MINDY4B: variants seen among roughly 807,000 people sequenced by gnomAD.
MINDY4B encodes MINDY family member 4B.
Under a neutral mutation model 16.7 loss-of-function variants are expected in MINDY4B, and 25 were observed. The observed-to-expected ratio is 1.49, with a 90% confidence interval of 1.09 to 2.09. The LOEUF (loss-of-function observed/expected upper bound fraction) is 2.09. Among genes scored for constraint, MINDY4B ranks in the 30% most tolerant of loss-of-function variants. MINDY4B has a pLI of 0.00. For synonymous variants in MINDY4B, 132 were observed against 61.9 expected, an observed-to-expected ratio of 2.13 and a Z score of -5.32; for missense variants, 327 against 168.4, an observed-to-expected ratio of 1.94 and a Z score of -5.21.
rs186056167 is a variant in MINDY4B, at chr3:150,904,099, T to G, written c.142-683A>C. ...TTTCTGTATTCCTAGAGGCAAAGAT[T>G]CTTTCTTATCTCAGAAGCACAGCAT... On this transcript the variant is annotated intron_variant, in intron 2 of 11. Coordinates refer to ENST00000465419, the MANE Select transcript of MINDY4B (RefSeq NM_001351281.2). Among the ~76,000 whole-genome samples, 4 of 152,334 alleles carry G rather than the reference T, an allele frequency of 2.6e-5. No homozygotes were observed. In the East Asian group the frequency reaches 7.7e-4, roughly 29 times the overall value.
At chr3:150,888,794 C>G (rs1411971096) in intron 7 of MINDY4B, among the ~76,000 whole-genome samples, 2 of 152,044 alleles carry the variant, frequency 1.3e-5, no homozygotes, top group Non-Finnish European at 2.9e-5. Flanking sequence ...ACTGGGGAAG[C>G]CTGTGTATAG....
intron 10 of MINDY4B, among the ~76,000 whole-genome samples, chr3:150,880,817 A>G (rs1276804272): frequency 6.6e-6 from 1 of 152,208 alleles, no homozygotes; most frequent in Non-Finnish European, 1.5e-5. Flanking sequence ...GTCTTGGCAT[A>G]TTACTGGGTT....
chr3:150,902,912 T>G (rs1040169987), intron 3 of MINDY4B, among the ~76,000 whole-genome samples: 3 of 152,236 alleles, frequency 2.0e-5, no homozygotes, highest in African/African-American at 7.2e-5. Flanking sequence ...CTTACGCATT[T>G]GCAGCGCTCC....
At chr3:150,879,724 G>C (rs1011745120) in intron 10 of MINDY4B, among the ~76,000 whole-genome samples, 4 of 152,184 alleles carry the variant, frequency 2.6e-5, no homozygotes, top group Non-Finnish European at 5.9e-5. Context: ...GGTCCTGTTT[G>C]ACTACACATG....
intron 10 of MINDY4B, among the ~76,000 whole-genome samples, chr3:150,873,977 T>A (rs1717029594): frequency 6.6e-6 from 1 of 150,758 alleles, no homozygotes; most frequent in Non-Finnish European, 1.5e-5. Context: ...GGTTTTTTTC[T>A]AAGTACTTGT....
intron 3 of MINDY4B, among the ~76,000 whole-genome samples, chr3:150,897,229 G>A (rs1711995583): frequency 6.6e-6 from 1 of 151,970 alleles, no homozygotes; most frequent in Non-Finnish European, 1.5e-5. Context: ...GTAACAGAGG[G>A]GAGACTAGAC....
chr3:150,896,895 T>C (rs1711986268), intron 3 of MINDY4B, among the ~76,000 whole-genome samples: 1 of 152,210 alleles, frequency 6.6e-6, no homozygotes, highest in Non-Finnish European at 1.5e-5. Flanking sequence ...TCAATGGAAA[T>C]CAAAATCATT....
intron 3 of MINDY4B, among the ~76,000 whole-genome samples, chr3:150,902,859 T>G (rs959320871): frequency 1.3e-5 from 2 of 152,218 alleles, no homozygotes; most frequent in African/African-American, 4.8e-5. Flanking sequence ...CTCTCCCTCC[T>G]GCATGCATAC....
intron 10 of MINDY4B, among the ~76,000 whole-genome samples, chr3:150,879,984 A>G (rs1015760743): frequency 6.6e-6 from 1 of 152,268 alleles, no homozygotes; most frequent in African/African-American, 2.4e-5. Flanking sequence ...ATAAAGCACT[A>G]TAACATTATG....
intron 10 of MINDY4B, among the ~76,000 whole-genome samples, chr3:150,882,512 T>G (rs568490645): frequency 1.2e-4 from 18 of 151,632 alleles, no homozygotes; most frequent in Non-Finnish European, 2.2e-4. Flanking sequence ...TGAAGGGGTA[T>G]GTAGCCGCAT....
intron 3 of MINDY4B, chr3:150,901,253 A>G (rs1193157994): frequency 6.6e-6 from 1 of 152,218 alleles, no homozygotes; most frequent in Non-Finnish European, 1.5e-5. Flanking sequence ...GGTCTATACC[A>G]CAGTGTAGGC....
intron 10 of MINDY4B, among the ~76,000 whole-genome samples, chr3:150,875,268 G>A (rs562246353): frequency 1.3e-5 from 2 of 152,264 alleles, no homozygotes; most frequent in Middle Eastern, 3.4e-3. Flanking sequence ...TTCTTGCTAT[G>A]GCACCCTTCT....
intron 7 of MINDY4B, among the ~76,000 whole-genome samples, chr3:150,887,875 G>A (rs13075078): frequency 0.067 from 10,244 of 152,180 alleles, 481 homozygotes; most frequent in African/African-American, 0.13. Context: ...TTGGGAGGTT[G>A]AGGCGGGCGG....
intron 10 of MINDY4B, among the ~76,000 whole-genome samples, chr3:150,874,740 A>T (rs1717052662): frequency 6.6e-6 from 1 of 152,234 alleles, no homozygotes; most frequent in Admixed American, 6.5e-5. Context: ...TTGAAAAATT[A>T]TCACGTGCTT....
chr3:150,884,515 T>A (rs1000749602), intron 8 of MINDY4B, among the ~76,000 whole-genome samples: 2 of 152,234 alleles, frequency 1.3e-5, no homozygotes, highest in Admixed American at 1.3e-4. Context: ...AATGTTGTAT[T>A]TATTTTAATA....
At chr3:150,895,900 T>A (rs115710338) in intron 3 of MINDY4B, among the ~76,000 whole-genome samples, 2,278 of 152,328 alleles carry the variant, frequency 0.015, 55 homozygotes, top group African/African-American at 0.049. Context: ...CTAGGTCTCT[T>A]GCAAGGCTGG....
intron 2 of MINDY4B, 74 bp downstream of exon 2, chr3:150,904,988 A>C (rs1422256776): frequency 7.5e-6 from 3 of 398,280 alleles, no homozygotes; most frequent in South Asian, 1.3e-4. Flanking sequence ...GAATAAATGC[A>C]GATTATGCTG....
intron 10 of MINDY4B, among the ~76,000 whole-genome samples, chr3:150,882,176 T>G (rs1489838535): frequency 6.6e-6 from 1 of 152,196 alleles, no homozygotes; most frequent in Non-Finnish European, 1.5e-5. Flanking sequence ...TAGGATGAAA[T>G]TTTTGTGAAA....
At chr3:150,886,674 C>T (rs1391114815) in intron 7 of MINDY4B, among the ~76,000 whole-genome samples, 1 of 152,140 alleles carries the variant, frequency 6.6e-6, no homozygotes, top group Non-Finnish European at 1.5e-5. Flanking sequence ...TTTCCTTTTC[C>T]AGCTTCTAGA....
Sources: allele counts gnomAD v4.1 joint callset (sites outside exome capture counted in the v4.1 genomes callset), GRCh38; gene constraint gnomAD v4.1.1; transcripts MANE v1.5; gene names NCBI Gene and HGNC (gene_info 2026-07-23, HGNC 2026-07-21).